The following PRKDC variants were observed in gnomAD, a reference collection of about 807,000 sequenced individuals.
The protein encoded by PRKDC is DNA-dependent protein kinase catalytic subunit.
PRKDC carries 82 observed loss-of-function variants against 486.9 expected under a neutral mutation model. The observed-to-expected ratio is 0.17, with a 90% CI of 0.14 to 0.20. The LOEUF is 0.20. Among genes scored for constraint, PRKDC ranks in the 10% least tolerant of loss-of-function variants. The probability of loss-of-function intolerance (pLI) is 1.00; values close to 1 mark genes in which losing one functional copy is unlikely to be tolerated. For synonymous variants in PRKDC, 1,895 were observed against 1,837.0 expected, an observed-to-expected ratio of 1.03 and a Z score of -0.81; for missense variants, 4,504 against 5,038.2, an observed-to-expected ratio of 0.89 and a Z score of 3.21.
chr8:47,890,525 C>T lies in PRKDC; in HGVS notation c.3848-45G>A, dbSNP rs55866077. On this transcript the variant is annotated intron_variant, in intron 31 of 85. Transcript: ENST00000314191. ...AGTATTAATATATGCTTCCTTTCAA[C>T]TCCACTAAGATTAACATAAAATTGC... is the stretch of plus-strand genomic sequence containing the variant. 5.5e-3 allele frequency: 7,690 copies of T among 1,392,614 alleles called. 27 individuals carry two copies. The highest frequency in any genetic ancestry group is 8.3e-3 in the South Asian group (637 of 76,934). 86.3% of individuals were successfully genotyped at this position (1,392,614 alleles called of 1,614,324 possible).
intron 21 of PRKDC, among the ~76,000 whole-genome samples, chr8:47,925,495 C>G (rs1293114580): frequency 6.6e-6 from 1 of 152,100 alleles, no homozygotes; most frequent in African/African-American, 2.4e-5. Flanking sequence ...AGAGTTACAA[C>G]TAAAAGTAAC....
chr8:47,931,900 T>C (rs2090261923), intron 16 of PRKDC, among the ~76,000 whole-genome samples: 1 of 152,184 alleles, frequency 6.6e-6, no homozygotes, highest in Non-Finnish European at 1.5e-5. Flanking sequence ...CTTATCCTTT[T>C]GTTTTTTTGA....
At chr8:47,791,206 G>A (rs1013063775) in intron 74 of PRKDC, among the ~76,000 whole-genome samples, 39 of 152,360 alleles carry the variant, frequency 2.6e-4, no homozygotes, top group Admixed American at 2.1e-3. Flanking sequence ...GCCGGGCGCA[G>A]TGGCTCATGT....
intron 28 of PRKDC, among the ~76,000 whole-genome samples, chr8:47,899,504 G>A (rs974804652): frequency 1.3e-4 from 20 of 152,104 alleles, no homozygotes; most frequent in African/African-American, 4.3e-4. Context: ...TTAGCCAGGC[G>A]TGGTGGCAGG....
At chr8:47,786,798 C>T (rs1322009766) in intron 76 of PRKDC, among the ~76,000 whole-genome samples, 7 of 122,374 alleles carry the variant, frequency 5.7e-5, no homozygotes, top group Admixed American at 3.4e-4. Context: ...GGTGCGATCT[C>T]GGCTCACTGC....
chr8:47,796,040 A>G (rs1046653641), intron 73 of PRKDC, among the ~76,000 whole-genome samples: 110 of 151,850 alleles, frequency 7.2e-4, no homozygotes, highest in African/African-American at 2.6e-3. Context: ...GACTACAGGC[A>G]TGTGCCATCA....
At chr8:47,803,545 T>A in intron 69 of PRKDC, 65 bp from the exon 70 acceptor site, 2 of 1,498,586 alleles carry the variant, frequency 1.3e-6, no homozygotes, top group African/African-American at 1.4e-5. Flanking sequence ...AAGTTTCTAA[T>A]TGGCCTGCTT....
At position 47,936,534 on chromosome 8, in the gene PRKDC, A is replaced by C. The variant is rs2090355575; in HGVS notation, c.1114-17T>G. ...CTTGCACGGCTTTAGAAAAGGTAAA[A>C]CAGAAGTCTTCATCAATCTTATCAA... is the stretch of plus-strand genomic sequence containing the variant. On this transcript the variant is annotated splice_polypyrimidine_tract_variant and intron_variant, in intron 11 of 85. Coordinates refer to ENST00000314191, the MANE Select transcript of PRKDC (RefSeq NM_006904.7). 16 of 1,613,266 alleles carry C rather than the reference A, an allele frequency of 9.9e-6. No individual in the cohort carries two copies. Among genetic ancestry groups the C allele is most frequent in the Non-Finnish European group, 1.4e-5 (16 of 1,179,442 alleles).
chr8:47,839,957 A>T, intron 55 of PRKDC, 59 bp downstream of exon 55: 1 of 1,367,334 alleles, frequency 7.3e-7, no homozygotes. Context: ...AGCCTCGTCG[A>T]CAGAGCAAGA....
In PRKDC at chr8:47,799,283, C is replaced by A. The variant is rs762233503; in HGVS notation, c.10224G>T (p.Gly3408=). 1.2e-6 allele frequency: 2 copies of A among 1,613,732 alleles called. No homozygotes were observed. Among genetic ancestry groups the A allele is most frequent in the Non-Finnish European group, 1.7e-6 (2 of 1,179,886 alleles). The change falls in exon 72 of 86, where the codon GGG becomes GGT. Residue 3408 remains glycine, a synonymous_variant. Transcript: ENST00000314191. ...PPSWSCGPAA[G]VIDAYMTLAD... ...CCAGCGTCATGTAAGCATCAATCAC[C>A]CCAGCTGCAGGCCCACAGCTCCAGG...
intron 7 of PRKDC, among the ~76,000 whole-genome samples, chr8:47,945,356 CA>C (rs1474367152): frequency 6.6e-6 from 1 of 152,214 alleles, no homozygotes; most frequent in African/African-American, 2.4e-5. Context: ...TGTCTATACC[CA>C]AAATGTTTTC....
intron 72 of PRKDC, among the ~76,000 whole-genome samples, chr8:47,798,648 C>A (rs1241705498): frequency 6.6e-6 from 1 of 152,128 alleles, no homozygotes; most frequent in Non-Finnish European, 1.5e-5. Context: ...TAAGGGGCAA[C>A]TGGTGGTTAT....
chr8:47,776,856 G>A lies in PRKDC; in HGVS notation c.12170C>T (p.Ala4057Val). 6.2e-7 allele frequency: 1 copy of A among 1,613,854 alleles called. No individual in the cohort carries two copies. The highest frequency in any genetic ancestry group is 8.5e-7 in the Non-Finnish European group (1 of 1,179,868). ...ATAAAAATCTTACCAAGTAATGACT[G>A]CTGGATTGGCACCTGCTAACTTTCT... ...AKRKLAGANP[A>V]VITCDELLLG... The change falls in exon 85 of 86, where the codon GCA becomes GTA. Residue 4057 changes from alanine to valine, a missense_variant. By Grantham distance (64) the Ala-to-Val change is moderately conservative (BLOSUM62 0). This residue lies in a region of PRKDC where 706 missense variants were observed against 945.0 expected (regional missense o/e 0.75). Coordinates refer to ENST00000314191, the MANE Select transcript of PRKDC (RefSeq NM_006904.7).
intron 54 of PRKDC, among the ~76,000 whole-genome samples, chr8:47,846,774 C>T (rs967756574): frequency 2.6e-5 from 4 of 152,024 alleles, no homozygotes; most frequent in Non-Finnish European, 4.4e-5. Flanking sequence ...TCTGACAAAA[C>T]GTTCCTAGAA....
chr8:47,804,450 C>T lies in PRKDC; in HGVS notation c.9748-970G>A, dbSNP rs537171429. On this transcript the variant is annotated intron_variant, in intron 69 of 85. Transcript: ENST00000314191. ...AAGTACCTGGGATTACAAGTGTGTG[C>T]TACCACATCTGGCTAATTTTTGTAT... Among the ~76,000 whole-genome samples the T allele has an allele frequency of 3.3e-5, 5 of 152,202 alleles. No homozygotes were observed. The East Asian group carries it at 9.7e-4, about 30-fold the overall frequency.
At position 47,861,050 on chromosome 8, in the gene PRKDC, C is replaced by CA. The variant is rs199751702; in HGVS notation, c.5986-80dup. On this transcript the variant is annotated intron_variant, in intron 44 of 85. Transcript: ENST00000314191. ...TTTTTCTGTTTTAGTAGCAATCTGGCAAAAAAAAAATTATAAATTTTTAAA... is the reference window on the plus strand; with the variant it reads ...TTTTTCTGTTTTAGTAGCAATCTGGCAAAAAAAAAAATTATAAATTTTTAAA... 3.6e-3 allele frequency: 3,028 copies of CA among 848,152 alleles called. 2 individuals are homozygous for CA. Among genetic ancestry groups the CA allele is most frequent in the East Asian group, 0.014 (423 of 29,580 alleles). 52.5% of individuals were successfully genotyped at this position (848,152 alleles called of 1,614,324 possible). A position where few individuals can be genotyped will look rare whatever the true frequency, so the allele number is the denominator to read the frequency against.
In PRKDC at chr8:47,927,213, C is replaced by G; in HGVS notation, c.2400G>C (p.Leu800=). Residue 800 remains leucine (L), a synonymous_variant, in exon 21 of 86, where the codon CTG becomes CTC. Coordinates refer to ENST00000314191, the MANE Select transcript of PRKDC (RefSeq NM_006904.7). The part of the protein sequence containing the change: ...KDILPCLDGY[L]KTSALSDETK... ...CATTACCTGACAAGGCTGAAGTCTT[C>G]AGGTATCCATCCAGGCAGGGGAGAA... The G allele has an allele frequency of 1.2e-6, 2 of 1,613,760 alleles. No individual in the cohort carries two copies. The highest frequency in any genetic ancestry group is 1.7e-6 in the Non-Finnish European group (2 of 1,179,744).
intron 85 of PRKDC, among the ~76,000 whole-genome samples, chr8:47,776,300 G>C (rs2086608072): frequency 6.6e-6 from 1 of 152,172 alleles, no homozygotes; most frequent in Non-Finnish European, 1.5e-5. Context: ...GTTGACAATA[G>C]ATTGCCACTA....
chr8:47,774,802 A>T (rs1053067593), intron 85 of PRKDC, among the ~76,000 whole-genome samples: 1 of 151,942 alleles, frequency 6.6e-6, no homozygotes, highest in Non-Finnish European at 1.5e-5. Context: ...AGTTTTAAAA[A>T]TTTTTGGTAG....
Sources: gnomAD v4.1 joint callset for allele counts (sites outside exome capture counted in the v4.1 genomes callset) on GRCh38, gnomAD v4.1.1 for gene constraint, gnomAD v4.1.1 regional missense constraint, MANE v1.5 for transcripts, NCBI Gene and HGNC (gene_info 2026-07-23, HGNC 2026-07-21) for gene names.